Variants in USP50 observed in about 807,000 individuals in gnomAD.
The protein encoded by USP50 is ubiquitin carboxyl-terminal hydrolase 50.
Under a neutral mutation model 39.2 loss-of-function variants are expected in USP50, and 37 were observed. The ratio of observed to expected loss-of-function variants is 0.94; its 90% confidence interval spans 0.73 to 1.24. USP50 has a LOEUF of 1.24. Ranked by LOEUF, USP50 falls within the 50% of genes most tolerant of loss-of-function variation. The pLI is 0.00. For synonymous variants in USP50, 139 were observed against 144.5 expected, an observed-to-expected ratio of 0.96 and a Z score of 0.27; for missense variants, 374 against 398.2, an observed-to-expected ratio of 0.94 and a Z score of 0.52.
At chr15:50,542,743 C>G (rs1168187470) in intron 3 of USP50, among the ~76,000 whole-genome samples, 1 of 152,120 alleles carries the variant, frequency 6.6e-6, no homozygotes, top group African/African-American at 2.4e-5. Flanking sequence ...CCCACCTCAG[C>G]CTCCTAAAGT....
downstream of USP50, chr15:50,497,636 A>T (rs1356996718): frequency 6.5e-6 from 1 of 152,692 alleles, no homozygotes; most frequent in Non-Finnish European, 1.5e-5. Context: ...TATGTTAACG[A>T]TACCATTAAG....
At chr15:50,532,988 T>C (rs2052952632) in intron 5 of USP50, among the ~76,000 whole-genome samples, 1 of 151,746 alleles carries the variant, frequency 6.6e-6, no homozygotes, top group Non-Finnish European at 1.5e-5. Flanking sequence ...CAGTAGAAAC[T>C]TTTAAAACTG....
At chr15:50,515,669 T>C (rs2052796821) in intron 6 of USP50, among the ~76,000 whole-genome samples, 1 of 150,994 alleles carries the variant, frequency 6.6e-6, no homozygotes, top group South Asian at 2.1e-4. Context: ...TATATATATA[T>C]ATATTTAAAC....
intron 1 of USP50, among the ~76,000 whole-genome samples, chr15:50,495,487 G>GTT (rs1555392695): frequency 8.1e-6 from 1 of 123,696 alleles, no homozygotes; most frequent in African/African-American, 3.3e-5. Flanking sequence ...AGAGATTGGA[G>GTT]GGGGGGGTCT....
At position 50,539,108 on chromosome 15, in the gene USP50, G is replaced by GTTT. The variant is rs1295647053; in HGVS notation, c.661-260_661-258dup. 1.3e-4 allele frequency among the ~76,000 whole-genome samples: 17 copies of GTTT among 133,588 alleles called. 2 individuals are homozygous for GTTT. Among genetic ancestry groups the GTTT allele is most frequent in the African/African-American group, 4.6e-4 (17 of 37,276 alleles). The allele number at this position is 133,588 out of a possible 152,430, so 87.6% of individuals were successfully genotyped here. A position where few individuals can be genotyped will look rare whatever the true frequency, so the allele number is the denominator to read the frequency against. ...ATAATCTAGAAATCAGTTTTTTTTG[G>GTTT]TTTTGTTTTTTTTTTTTTTGAGATG... On this transcript the variant is annotated intron_variant, in intron 4 of 6. Coordinates refer to ENST00000532404, the MANE Select transcript of USP50 (RefSeq NM_203494.5).
rs988872814 is a variant in USP50, at chr15:50,541,152, T to C, written c.557A>G (p.Asn186Ser). 12 of 1,613,840 alleles carry C rather than the reference T, an allele frequency of 7.4e-6. No homozygotes were observed. The highest frequency in any genetic ancestry group is 4.0e-5 in the African/African-American group (3 of 74,920). The change falls in exon 4 of 7, where the codon AAT (asparagine) becomes AGT (serine). Residue 186 changes from asparagine (N) to serine (S), a missense_variant. Transcript: ENST00000532404. ...IITQLFEEQLNYSIVCLKCEK... is the reference protein window; with the variant it reads ...IITQLFEEQLSYSIVCLKCEK... ...ACACTTTAAACATACGATGCTATAA[T>C]TGAGCTGCTCTTCAAACAGCTGGGT...
intron 6 of USP50, among the ~76,000 whole-genome samples, chr15:50,523,780 A>G (rs2052868670): frequency 6.6e-6 from 1 of 152,212 alleles, no homozygotes; most frequent in Non-Finnish European, 1.5e-5. Flanking sequence ...ATAGAAAAAA[A>G]TCCTTAAATT....
At chr15:50,524,930 A>G (rs534074409) in intron 6 of USP50, among the ~76,000 whole-genome samples, 1 of 152,238 alleles carries the variant, frequency 6.6e-6, no homozygotes, top group Middle Eastern at 3.4e-3. Flanking sequence ...TGACTTGTGG[A>G]TATACGTCCA....
chr15:50,544,421 G>A (rs1479490690), intron 2 of USP50, among the ~76,000 whole-genome samples, 166 bp downstream of exon 2: 1 of 151,642 alleles, frequency 6.6e-6, no homozygotes, highest in Non-Finnish European at 1.5e-5. Flanking sequence ...TCATTTCTTG[G>A]TTGCCCTTCC....
rs201382343 is a variant in USP50, at chr15:50,544,635, G to C, written c.200C>G (p.Pro67Arg). The change falls in exon 2 of 7, where the codon CCG becomes CGG. Residue 67 changes from proline (P) to arginine (R), a missense_variant. Physicochemically the swap from Pro to Arg is moderately radical, Grantham distance 103 (BLOSUM62 -2). Transcript: ENST00000532404. ...CCCGGTGAGAAAGTATTCCACCAGCGGCAAGATGCTGCAGAGACACTGTGA... is the reference window on the plus strand; with the variant it reads ...CCCGGTGAGAAAGTATTCCACCAGCCGCAAGATGCTGCAGAGACACTGTGA... ...AISQCLCSIL[P>R]LVEYFLTGKY... is the part of the protein sequence containing the mutation. 5.6e-6 allele frequency: 9 copies of C among 1,613,610 alleles called. No individual in the cohort carries two copies. The East Asian group carries it at 2.0e-4, about 36-fold the overall frequency.
At chr15:50,505,662 A>T (rs1469868884) in intron 6 of USP50, 1 of 152,284 alleles carries the variant, frequency 6.6e-6, no homozygotes, top group East Asian at 1.9e-4. Flanking sequence ...GAGGCATATT[A>T]AAAAATTAAA....
downstream of USP50, chr15:50,498,963 C>A: frequency 6.2e-7 from 1 of 1,613,970 alleles, no homozygotes; most frequent in Non-Finnish European, 8.5e-7. Flanking sequence ...TGCAGCAAGA[C>A]AACGGTGGTT....
intron 6 of USP50, chr15:50,511,128 G>C (rs1354795893): frequency 1.3e-5 from 2 of 152,170 alleles, no homozygotes; most frequent in South Asian, 2.1e-4. Context: ...CTGAATGTTT[G>C]CAAAGTTTTA....
At chr15:50,496,406 T>G (rs3098179), downstream of USP50, among the ~76,000 whole-genome samples, 71,098 of 149,896 alleles carry the variant, frequency 0.47, 17,172 homozygotes, top group East Asian at 0.58. Flanking sequence ...GCGTGAACCC[T>G]GGAGGCGGAG....
At chr15:50,522,152 A>C (rs1351709505) in intron 6 of USP50, among the ~76,000 whole-genome samples, 1 of 152,068 alleles carries the variant, frequency 6.6e-6, no homozygotes, top group East Asian at 1.9e-4. Flanking sequence ...AAGGCAAGGC[A>C]TGGTGGCTCA....
At chr15:50,542,481 A>ATTTTTTTTTTTTTTTTTTTT (rs11292495) in intron 3 of USP50, among the ~76,000 whole-genome samples, 4 of 97,396 alleles carry the variant, frequency 4.1e-5, no homozygotes, top group Non-Finnish European at 3.9e-5. Context: ...TTTCCTTTTC[A>ATTTTTTTTTTTTTTTTTTTT]TTTTTTTTTT....
chr15:50,499,056 T>C (rs749106589), downstream of USP50: 112 of 1,612,346 alleles, frequency 6.9e-5, no homozygotes, highest in Non-Finnish European at 9.4e-5. Flanking sequence ...TTATACTTCA[T>C]TGGGACCACG....
intron 1 of USP50, among the ~76,000 whole-genome samples, chr15:50,545,097 AACAAAATT>A (rs2053061335): frequency 6.6e-6 from 1 of 152,130 alleles, no homozygotes; most frequent in African/African-American, 2.4e-5. Context: ...TTAAATTAAA[AACAAAATT>A]ACATAACTTA....
intron 6 of USP50, among the ~76,000 whole-genome samples, chr15:50,516,850 G>C (rs1032370357): frequency 6.6e-6 from 1 of 151,708 alleles, no homozygotes; most frequent in African/African-American, 2.4e-5. Context: ...TGATAAAATG[G>C]TCAATTCATC....
Sources: allele counts gnomAD v4.1 joint callset (sites outside exome capture counted in the v4.1 genomes callset), GRCh38; gene constraint gnomAD v4.1.1; transcripts MANE v1.5; gene names NCBI Gene and HGNC (gene_info 2026-07-23, HGNC 2026-07-21).